The following CYP2D6 variants were observed in gnomAD, a reference collection of about 807,000 sequenced individuals.
The protein encoded by CYP2D6 is cytochrome P450 family 2 subfamily D member 6 (gene/pseudogene).
Under a neutral mutation model 43.5 loss-of-function variants are expected in CYP2D6, and 51 were observed. The observed-to-expected ratio is 1.17, with a 90% CI of 0.94 to 1.48. CYP2D6 has a LOEUF of 1.48. Among genes scored for constraint, CYP2D6 ranks in the 40% most tolerant of loss-of-function variants. The pLI is 0.00. For missense variants in CYP2D6, 698 were observed against 688.0 expected (o/e 1.01, Z -0.16); for synonymous variants, 346 against 297.1 (o/e 1.16, Z -1.69).
Position 42,127,921 on chromosome 22 carries a change from C to G in CYP2D6, c.906G>C (p.Leu302=). The change falls in exon 6 of 9, where the codon CTG becomes CTC. Residue 302 remains leucine (L), a synonymous_variant. Transcript: ENST00000645361. ...AGGTGGTCACCATCCCGGCAGAGAA[C>G]AGGTCAGCCACCACTATGCGCAGGT... ...DENLRIVVAD[L]FSAGMVTTST... 1 of 1,611,176 alleles carries G rather than the reference C, an allele frequency of 6.2e-7. No homozygotes were observed. Among genetic ancestry groups the G allele is most frequent in the Non-Finnish European group, 8.5e-7 (1 of 1,178,144 alleles).
chr22:42,127,735 C>A, intron 6 of CYP2D6, 101 bp from the exon 7 acceptor site: 4 of 1,568,302 alleles, frequency 2.6e-6, no homozygotes, highest in Non-Finnish European at 3.5e-6. Context: ...CTTACAGGAT[C>A]CTGGTCAAGC....
In CYP2D6 at chr22:42,126,527, A is replaced by G. The variant is rs892629477; in HGVS notation, c.*47T>C. On this transcript the variant is annotated 3_prime_UTR_variant, in exon 9 of 9. Transcript: ENST00000645361. ...GAACTACCACATTGCTTTATTGTACATTAGAGCCTCTGGCTAGGGAGCAGG... is the reference window on the plus strand; with the variant it reads ...GAACTACCACATTGCTTTATTGTACGTTAGAGCCTCTGGCTAGGGAGCAGG... 2.0e-6 allele frequency: 3 copies of G among 1,514,296 alleles called. No individual in the cohort carries two copies. Among genetic ancestry groups the G allele is most frequent in the Non-Finnish European group, 2.7e-6 (3 of 1,127,108 alleles). 93.8% of individuals were successfully genotyped at this position (1,514,296 alleles called of 1,614,324 possible). A position where few individuals can be genotyped will look rare whatever the true frequency, so the allele number is the denominator to read the frequency against.
At position 42,129,810 on chromosome 22, in the gene CYP2D6, GGGTCACCAGCGCCTCGCGCAC is replaced by G. The variant is rs1931757299; in HGVS notation, c.259_279del (p.Val87_Thr93del). 1 of 1,605,100 alleles carries G rather than the reference GGGTCACCAGCGCCTCGCGCAC, an allele frequency of 6.2e-7. No individual in the cohort carries two copies. Among genetic ancestry groups the G allele is most frequent in the African/African-American group, 1.3e-5 (1 of 74,204 alleles). On this transcript the variant is annotated inframe_deletion, in exon 2 of 9. Transcript: ENST00000645361. ...GGGCGGTCGGCGGTGTCCTCGCCGT[GGGTCACCAGCGCCTCGCGCAC>G]GGCCGCCAGCCCATTGAGCACGACC...
intron 1 of CYP2D6, 92 bp downstream of exon 1, chr22:42,130,520 T>C: frequency 1.6e-6 from 2 of 1,263,794 alleles, no homozygotes; most frequent in Non-Finnish European, 2.2e-6. Flanking sequence ...GCCTGGCTTC[T>C]GGTCCAGCCT....
chr22:42,129,811 G>A lies in CYP2D6; in HGVS notation c.279C>T (p.Thr93=), dbSNP rs1331223861. 1 of 1,605,256 alleles carries A rather than the reference G, an allele frequency of 6.2e-7. No individual in the cohort carries two copies. Among genetic ancestry groups the A allele is most frequent in the Non-Finnish European group, 8.5e-7 (1 of 1,176,390 alleles). ...GGCGGTCGGCGGTGTCCTCGCCGTG[G>A]GTCACCAGCGCCTCGCGCACGGCCG... ...GLAAVREALV[T]HGEDTADRPP... The change falls in exon 2 of 9, where the codon ACC becomes ACT. Residue 93 remains threonine, a synonymous_variant. Coordinates refer to ENST00000645361, the MANE Select transcript of CYP2D6 (RefSeq NM_000106.6).
Position 42,128,024 on chromosome 22 carries a change from G to A in CYP2D6, c.844-41C>T, listed in dbSNP as rs777955706. On this transcript the variant is annotated intron_variant, in intron 5 of 8. Coordinates refer to ENST00000645361, the MANE Select transcript of CYP2D6 (RefSeq NM_000106.6). ...AGCATACTCGGGACAGAACGGGGTA[G>A]CCCCCAAATGACCTCCAATTCTGCA... 9 of 1,610,340 alleles carry A rather than the reference G, an allele frequency of 5.6e-6. No individual in the cohort carries two copies. The African/African-American group carries it at 1.1e-4, about 19-fold the overall frequency.
chr22:42,128,095 C>T (rs1186556717), intron 5 of CYP2D6, 79 bp downstream of exon 5: 3 of 1,584,384 alleles, frequency 1.9e-6, no homozygotes, highest in Non-Finnish European at 1.7e-6. Flanking sequence ...CTGGTCCAAC[C>T]TTTTGCCCAG....
At chr22:42,128,077 G>T in intron 5 of CYP2D6, 94 bp from the exon 6 acceptor site, 1 of 1,590,240 alleles carries the variant, frequency 6.3e-7, no homozygotes, top group Non-Finnish European at 8.6e-7. Flanking sequence ...GGCTCGCCGG[G>T]TGATGCACTG....
Position 42,130,346 on chromosome 22 carries a change from T to C in CYP2D6, c.180+266A>G, listed in dbSNP as rs1021089207. 1.7e-6 allele frequency: 1 copy of C among 575,322 alleles called. No homozygotes were observed. Among genetic ancestry groups the C allele is most frequent in the Non-Finnish European group, 3.1e-6 (1 of 326,116 alleles). The allele number at this position is 575,322 out of a possible 1,614,324, so 35.6% of individuals were successfully genotyped here. A position where few individuals can be genotyped will look rare whatever the true frequency, so the allele number is the denominator to read the frequency against. Reference sequence around the variant, plus strand: ...GGTGTCAGCAGAAGGGACTTTGTACTCCATAACATATGTTGCCCAATGGGC... The same window carrying C: ...GGTGTCAGCAGAAGGGACTTTGTACCCCATAACATATGTTGCCCAATGGGC... On this transcript the variant is annotated intron_variant, in intron 1 of 8. Transcript: ENST00000645361.
Position 42,129,257 on chromosome 22 carries a change from C to G in CYP2D6, c.353-72G>C, listed in dbSNP as rs1931598871. 29 of 1,546,206 alleles carry G rather than the reference C, an allele frequency of 1.9e-5. 1 individual carries two copies. Among genetic ancestry groups the G allele is most frequent in the Admixed American group, 6.9e-5 (4 of 57,628 alleles). ...CCACCATCCACCACCCACTCCAACC[C>G]TATGCTCCCCCTGGTCTCCCGCAGT... On this transcript the variant is annotated intron_variant, in intron 2 of 8. Transcript: ENST00000645361.
intron 7 of CYP2D6, 91 bp downstream of exon 7, chr22:42,127,356 G>A (rs28371729): frequency 7.7e-7 from 1 of 1,298,264 alleles, no homozygotes; most frequent in Admixed American, 1.9e-5. Flanking sequence ...GGTGGCCAGG[G>A]TTCCTAGAGT....
intron 2 of CYP2D6, chr22:42,129,386 C>T: frequency 1.2e-6 from 1 of 853,816 alleles, no homozygotes; most frequent in East Asian, 2.6e-5. Flanking sequence ...CCCACCCTGA[C>T]CGCCTTTGCA....
Position 42,128,969 on chromosome 22 carries a change from G to C in CYP2D6, c.506-25C>G, listed in dbSNP as rs573146761. 243 of 1,582,694 alleles carry C rather than the reference G, an allele frequency of 1.5e-4. 1 individual carries two copies. Among genetic ancestry groups the C allele is most frequent in the Non-Finnish European group, 1.9e-4 (226 of 1,164,448 alleles). The stretch of plus-strand genomic sequence containing the variant: ...CCTGGGGGTGGGAGATGCGGGTAAG[G>C]GGTCGCCTTCCCCGTCCCCCGCCTT... On this transcript the variant is annotated intron_variant, in intron 3 of 8. Transcript: ENST00000645361.
intron 5 of CYP2D6, 21 bp downstream of exon 5, chr22:42,128,153 C>T (rs756525445): frequency 1.9e-6 from 3 of 1,595,470 alleles, no homozygotes; most frequent in Non-Finnish European, 2.6e-6. Flanking sequence ...CCTTGCCCCC[C>T]ACCGTGGCAG....
intron 1 of CYP2D6, chr22:42,130,187 G>A (rs1287604629): frequency 4.7e-5 from 24 of 515,456 alleles, no homozygotes; most frequent in Admixed American, 3.4e-4. Flanking sequence ...GGTCCATGCC[G>A]GTGAGCAGTG....
chr22:42,128,409 T>G (rs1931342282), intron 4 of CYP2D6, 59 bp from the exon 5 acceptor site: 1 of 1,580,230 alleles, frequency 6.3e-7, no homozygotes, highest in Admixed American at 1.7e-5. Context: ...CCTGGACAAG[T>G]CTCAGGCCCC....
At chr22:42,128,023 A>G (rs1355667769) in intron 5 of CYP2D6, 40 bp from the exon 6 acceptor site, 1 of 1,610,708 alleles carries the variant, frequency 6.2e-7, no homozygotes, top group South Asian at 1.1e-5. Context: ...AGAACGGGGT[A>G]GCCCCCAAAT....
At chr22:42,129,706 G>A (rs770138443) in intron 2 of CYP2D6, 32 bp downstream of exon 2, 13 of 1,608,372 alleles carry the variant, frequency 8.1e-6, no homozygotes, top group African/African-American at 1.3e-5. Context: ...CGGGTCCCAC[G>A]GAAATCTGTC....
chr22:42,128,040 C>A, intron 5 of CYP2D6, 57 bp from the exon 6 acceptor site: 2 of 1,608,282 alleles, frequency 1.2e-6, no homozygotes, highest in Non-Finnish European at 1.7e-6. Context: ...AAATGACCTC[C>A]AATTCTGCAC....
Sources: allele counts gnomAD v4.1 joint callset, GRCh38; gene constraint gnomAD v4.1.1; transcripts MANE v1.5; gene names NCBI Gene and HGNC (gene_info 2026-07-23, HGNC 2026-07-21).